The following CNTNAP2 variants were observed in gnomAD, a reference collection of about 807,000 sequenced individuals.
The protein encoded by CNTNAP2 is contactin associated protein 2, also known as contactin-associated protein-like 2.
Under a neutral mutation model 155.2 loss-of-function variants are expected in CNTNAP2, and 98 were observed. The observed-to-expected ratio is 0.63, with a 90% CI of 0.54 to 0.75. CNTNAP2 has a LOEUF of 0.75. CNTNAP2 is among the 30% of genes least tolerant of loss of function. The probability of loss-of-function intolerance (pLI) is 0.00; values close to 1 mark genes in which losing one functional copy is unlikely to be tolerated. For missense variants in CNTNAP2, 1,727 were observed against 1,688.1 expected (o/e 1.02, Z -0.40); for synonymous variants, 651 against 631.2 (o/e 1.03, Z -0.47).
At chr7:147,624,962 G>A (rs1794941662) in intron 12 of CNTNAP2, among the ~76,000 whole-genome samples, 1 of 152,166 alleles carries the variant, frequency 6.6e-6, no homozygotes, top group Non-Finnish European at 1.5e-5. Context: ...CAACAACATG[G>A]ATGGAACTAG....
At chr7:147,415,340 T>G (rs528121508) in intron 10 of CNTNAP2, among the ~76,000 whole-genome samples, 10 of 152,340 alleles carry the variant, frequency 6.6e-5, no homozygotes, top group African/African-American at 2.2e-4. Flanking sequence ...TTTGTGTCCC[T>G]ACCCAAATCT....
In CNTNAP2 at chr7:146,336,218, A is replaced by G. The variant is rs566443820; in HGVS notation, c.97+219245A>G. Among the ~76,000 whole-genome samples, 143 of 152,130 alleles carry G rather than the reference A, an allele frequency of 9.4e-4. 1 individual carries two copies. The highest frequency in any genetic ancestry group is 3.4e-3 in the Middle Eastern group (1 of 292). ...CCGTCTAAAAAAAAAAAAAAAAGTAAAAACAATGTAAATATTTATCTATAG... is the reference window on the plus strand; with the variant it reads ...CCGTCTAAAAAAAAAAAAAAAAGTAGAAACAATGTAAATATTTATCTATAG... On this transcript the variant is annotated intron_variant, in intron 1 of 23. Transcript: ENST00000361727.
rs866100883 is a variant in CNTNAP2 at position 147,245,548 on chromosome 7, T to C, written c.1349-54593T>C. ...CTAGATCTCAAATAAAATTTCATCT[T>C]AGAGGCTGGGCGCGGTGGCTCATGC... is the stretch of plus-strand genomic sequence containing the variant. On this transcript the variant is annotated intron_variant, in intron 8 of 23. Transcript: ENST00000361727. Among the ~76,000 whole-genome samples, 4 of 151,984 alleles carry C rather than the reference T, an allele frequency of 2.6e-5. No individual in the cohort carries two copies. In the South Asian group the frequency reaches 6.2e-4, roughly 24 times the overall value.
chr7:146,850,649 T>A lies in CNTNAP2; in HGVS notation c.402+10745T>A, dbSNP rs114169164. 1.9e-3 allele frequency among the ~76,000 whole-genome samples: 289 copies of A among 152,244 alleles called. 2 individuals carry two copies. The highest frequency in any genetic ancestry group is 6.7e-3 in the African/African-American group (280 of 41,546). On this transcript the variant is annotated intron_variant, in intron 3 of 23. Coordinates refer to ENST00000361727, the MANE Select transcript of CNTNAP2 (RefSeq NM_014141.6). ...TGGGGTACACGGTGGGACTGGGTAA[T>A]GGATGTGTTAACTAACTTATTATGG...
chr7:146,805,861 T>G (rs982019614), intron 2 of CNTNAP2, among the ~76,000 whole-genome samples: 49 of 152,240 alleles, frequency 3.2e-4, no homozygotes, highest in Admixed American at 5.2e-4. Context: ...GGCAGCAATA[T>G]TTAACTATGT....
intron 3 of CNTNAP2, among the ~76,000 whole-genome samples, chr7:147,024,241 A>G (rs1054916964): frequency 6.6e-6 from 1 of 152,222 alleles, no homozygotes; most frequent in Non-Finnish European, 1.5e-5. Context: ...AAGAGAAAAA[A>G]TTACTTTTGG....
intron 3 of CNTNAP2, among the ~76,000 whole-genome samples, chr7:146,892,294 A>C (rs978445963): frequency 6.6e-6 from 1 of 152,132 alleles, no homozygotes; most frequent in Non-Finnish European, 1.5e-5. Flanking sequence ...CCCAAGTATG[A>C]ATTTTCCATG....
intron 21 of CNTNAP2, among the ~76,000 whole-genome samples, chr7:148,359,169 T>C (rs575309171): frequency 3.9e-4 from 59 of 152,344 alleles, no homozygotes; most frequent in African/African-American, 1.3e-3. Flanking sequence ...CTAGGAACCA[T>C]AGACCTTACC....
intron 2 of CNTNAP2, among the ~76,000 whole-genome samples, chr7:146,824,644 A>G (rs1007563041): frequency 2.0e-5 from 3 of 152,278 alleles, no homozygotes; most frequent in Middle Eastern, 3.4e-3. Flanking sequence ...ACCAGCGATC[A>G]TGAGCTTTTT....
chr7:148,112,415 G>GTATTATTATTATTATTAT (rs34816770), intron 15 of CNTNAP2, among the ~76,000 whole-genome samples: 15 of 148,626 alleles, frequency 1.0e-4, no homozygotes, highest in East Asian at 2.0e-4. Flanking sequence ...CTAAATTTTA[G>GTATTATTATTATTATTAT]TATTATTATT....
intron 13 of CNTNAP2, among the ~76,000 whole-genome samples, chr7:147,831,473 G>C (rs1174248542): frequency 6.6e-6 from 1 of 152,116 alleles, no homozygotes; most frequent in African/African-American, 2.4e-5. Context: ...ACATCTTATA[G>C]TTGCCTTCAG....
intron 13 of CNTNAP2, among the ~76,000 whole-genome samples, chr7:147,654,198 T>C (rs1795491305): frequency 6.6e-6 from 1 of 152,254 alleles, no homozygotes; most frequent in African/African-American, 2.4e-5. Flanking sequence ...GACTTGAATT[T>C]TGGAATAACT....
At chr7:146,703,202 C>G (rs1466677887) in intron 1 of CNTNAP2, among the ~76,000 whole-genome samples, 1 of 152,108 alleles carries the variant, frequency 6.6e-6, no homozygotes, top group Non-Finnish European at 1.5e-5. Context: ...TTCAGCTCTA[C>G]TGACAAATCA....
At chr7:148,076,366 T>A (rs1462080329) in intron 15 of CNTNAP2, among the ~76,000 whole-genome samples, 1 of 145,732 alleles carries the variant, frequency 6.9e-6, no homozygotes, top group African/African-American at 2.5e-5. Context: ...TCGCCCAAAA[T>A]GTCAAGAATG....
intron 21 of CNTNAP2, among the ~76,000 whole-genome samples, chr7:148,283,668 T>C (rs1797029638): frequency 6.6e-6 from 1 of 152,104 alleles, no homozygotes; most frequent in South Asian, 2.1e-4. Flanking sequence ...CATTCTTGTG[T>C]TTTTATTGGT....
At chr7:147,933,821 C>T (rs1269249445) in intron 14 of CNTNAP2, among the ~76,000 whole-genome samples, 2 of 152,076 alleles carry the variant, frequency 1.3e-5, no homozygotes, top group East Asian at 1.9e-4. Flanking sequence ...CAAGATCGCA[C>T]CATTGCACTC....
intron 1 of CNTNAP2, among the ~76,000 whole-genome samples, chr7:146,326,187 C>A (rs1801094599): frequency 6.6e-6 from 1 of 152,162 alleles, no homozygotes; most frequent in Admixed American, 6.5e-5. Flanking sequence ...TACACATACA[C>A]ATGCACTCTC....
chr7:147,324,206 G>A (rs529105596), intron 9 of CNTNAP2, among the ~76,000 whole-genome samples: 6 of 152,204 alleles, frequency 3.9e-5, no homozygotes, highest in Admixed American at 2.6e-4. Context: ...GAGAGCAGGA[G>A]CTACTCTTGA....
chr7:146,216,843 G>A (rs1395851210), intron 1 of CNTNAP2, among the ~76,000 whole-genome samples: 1 of 152,114 alleles, frequency 6.6e-6, no homozygotes, highest in Non-Finnish European at 1.5e-5. Flanking sequence ...ATAGGAGGTT[G>A]GTTTATATCA....
Sources: allele counts gnomAD v4.1 joint callset (sites outside exome capture counted in the v4.1 genomes callset), GRCh38; gene constraint gnomAD v4.1.1; transcripts MANE v1.5; gene names NCBI Gene and HGNC (gene_info 2026-07-23, HGNC 2026-07-21).